The following TMC7 variants were observed in gnomAD, a reference collection of about 807,000 sequenced individuals.
TMC7 encodes transmembrane channel like 7, also known as transmembrane channel-like protein 7.
In TMC7, 54 loss-of-function variants were observed where a neutral mutation model predicts 82.9. That is an observed-to-expected ratio of 0.65 (90% CI 0.52 to 0.82). The LOEUF (loss-of-function observed/expected upper bound fraction) is 0.82. Ranked by LOEUF, TMC7 falls within the 40% of genes least tolerant of loss-of-function variation. The pLI is 0.00. For missense variants in TMC7, 820 were observed against 901.2 expected, an observed-to-expected ratio of 0.91 and a Z score of 1.15; for synonymous variants, 350 against 337.9, an observed-to-expected ratio of 1.04 and a Z score of -0.39.
intron 1 of TMC7, among the ~76,000 whole-genome samples, chr16:18,991,952 T>A (rs546094568): frequency 1.3e-5 from 2 of 152,226 alleles, no homozygotes; most frequent in Non-Finnish European, 2.9e-5. Context: ...CTGCATAGTA[T>A]TCCATGGTGT....
intron 1 of TMC7, among the ~76,000 whole-genome samples, chr16:19,002,487 T>C (rs1206859161): frequency 6.6e-6 from 1 of 152,102 alleles, no homozygotes; most frequent in Non-Finnish European, 1.5e-5. Flanking sequence ...TCCACCCGCC[T>C]TGGCCTCCCA....
intron 1 of TMC7, among the ~76,000 whole-genome samples, chr16:18,989,769 A>C (rs2142113418): frequency 6.6e-6 from 1 of 151,304 alleles, no homozygotes. Context: ...TAGAGAAGGA[A>C]GAGTGGCCTG....
In TMC7 at chr16:19,030,212, G is replaced by A. The variant is rs201491513; in HGVS notation, c.712-12G>A. ...TGACCAGTCTGACTTCATGCTCTTGGCTTCGTTTCAGGGTTTCCTGGAGGA... is the reference window on the plus strand; with the variant it reads ...TGACCAGTCTGACTTCATGCTCTTGACTTCGTTTCAGGGTTTCCTGGAGGA... On this transcript the variant is annotated splice_polypyrimidine_tract_variant and intron_variant, in intron 5 of 15. Transcript: ENST00000304381. The A allele has an allele frequency of 8.6e-5, 138 of 1,607,520 alleles. 1 individual carries two copies. In the African/African-American group the frequency reaches 1.7e-3, roughly 20 times the overall value.
In TMC7 at chr16:19,030,286, G is replaced by C. The variant is rs1300072245; in HGVS notation, c.774G>C (p.Gln258His). Residue 258 changes from glutamine to histidine, a missense_variant, in exon 6 of 16, where the codon CAG (glutamine) becomes CAC (histidine). Physicochemically the swap from Gln to His is conservative, Grantham distance 24. Coordinates refer to ENST00000304381, the MANE Select transcript of TMC7 (RefSeq NM_024847.4). ...GHYTIDGVKF[Q>H]NFTYDLPLAY... ...ACACCATTGATGGGGTGAAATTTCA[G>C]AACTTCACCTATGATCTGCCCCTGG... 1 of 1,613,540 alleles carries C rather than the reference G, an allele frequency of 6.2e-7. No individual in the cohort carries two copies. Among genetic ancestry groups the C allele is most frequent in the Admixed American group, 1.7e-5 (1 of 60,008 alleles).
chr16:18,989,811 G>C (rs1402153760), intron 1 of TMC7, among the ~76,000 whole-genome samples: 15 of 151,920 alleles, frequency 9.9e-5, no homozygotes, highest in Non-Finnish European at 2.1e-4. Flanking sequence ...GCCTCTCGGG[G>C]GGAGGCGACT....
intron 12 of TMC7, among the ~76,000 whole-genome samples, chr16:19,051,116 G>A (rs1420540182): frequency 6.6e-6 from 1 of 151,794 alleles, no homozygotes; most frequent in Non-Finnish European, 1.5e-5. Flanking sequence ...TGACTGTAGC[G>A]TTAAACATCC....
intron 1 of TMC7, among the ~76,000 whole-genome samples, chr16:19,007,268 G>C (rs750526990): frequency 6.6e-6 from 1 of 152,124 alleles, no homozygotes; most frequent in Non-Finnish European, 1.5e-5. Flanking sequence ...ACCCTGGCCC[G>C]AGAACACAGA....
rs1383518181 is a variant in TMC7, at chr16:19,044,928, C to T, written c.1382C>T (p.Thr461Met). 1.2e-6 allele frequency: 2 copies of T among 1,613,888 alleles called. No homozygotes were observed. The highest frequency in any genetic ancestry group is 8.5e-7 in the Non-Finnish European group (1 of 1,180,022). ...GCCACCATATGTGTCCTGGTGTTCA[C>T]GCTGGGCTCCAAGATCACATCCTGT... ...RLATICVLVF[T>M]LGSKITSCDD... is the part of the protein sequence containing the mutation. The change falls in exon 10 of 16, where the codon ACG (threonine) becomes ATG (methionine). Residue 461 changes from threonine to methionine, a missense_variant. Physicochemically the swap from Thr to Met is moderately conservative, Grantham distance 81. Around this residue, in one of 2 missense-constraint regions of TMC7, gnomAD observed 650 missense variants for 669.9 expected, o/e 0.97. Coordinates refer to ENST00000304381, the MANE Select transcript of TMC7 (RefSeq NM_024847.4).
chr16:18,991,155 T>C (rs1296411613), intron 1 of TMC7, among the ~76,000 whole-genome samples: 1 of 146,698 alleles, frequency 6.8e-6, no homozygotes, highest in African/African-American at 2.4e-5. Context: ...CAGCTGAAGA[T>C]TTTGGGGTAA....
intron 1 of TMC7, among the ~76,000 whole-genome samples, chr16:18,997,323 G>A (rs2039060248): frequency 6.6e-6 from 1 of 152,194 alleles, no homozygotes; most frequent in Admixed American, 6.5e-5. Flanking sequence ...TGATCAGCCT[G>A]CCTTGGCCTC....
intron 1 of TMC7, among the ~76,000 whole-genome samples, chr16:19,007,659 G>C (rs2039263977): frequency 6.6e-6 from 1 of 150,478 alleles, no homozygotes; most frequent in Non-Finnish European, 1.5e-5. Context: ...GACAGAGCGA[G>C]ACTCCGTCTC....
intron 3 of TMC7, among the ~76,000 whole-genome samples, chr16:19,021,168 TGAG>T (rs1281444703): frequency 1.3e-5 from 2 of 152,158 alleles, no homozygotes; most frequent in Non-Finnish European, 2.9e-5. Context: ...AAGACAATCT[TGAG>T]GAGTAACAAA....
At chr16:18,994,657 T>C (rs952553593) in intron 1 of TMC7, among the ~76,000 whole-genome samples, 2 of 151,744 alleles carry the variant, frequency 1.3e-5, no homozygotes, top group Non-Finnish European at 2.9e-5. Context: ...GAGGGAGGTA[T>C]TGAGGATAGG....
intron 8 of TMC7, among the ~76,000 whole-genome samples, 172 bp downstream of exon 8, chr16:19,038,219 G>C: frequency 6.6e-6 from 1 of 151,958 alleles, no homozygotes; most frequent in Non-Finnish European, 1.5e-5. Flanking sequence ...TTTTGAGATG[G>C]AGTTTTGCTC....
chr16:19,001,392 C>A (rs377749689), intron 1 of TMC7, among the ~76,000 whole-genome samples: 3 of 152,152 alleles, frequency 2.0e-5, no homozygotes, highest in African/African-American at 7.2e-5. Flanking sequence ...TTAAAAAGGA[C>A]AGAGTAGGCT....
At chr16:18,998,393 C>G (rs2039081195) in intron 1 of TMC7, among the ~76,000 whole-genome samples, 2 of 152,180 alleles carry the variant, frequency 1.3e-5, no homozygotes, top group Non-Finnish European at 2.9e-5. Context: ...GCCTTGCCAC[C>G]TTCTCGGACA....
intron 15 of TMC7, 113 bp downstream of exon 15, chr16:19,059,607 C>A: frequency 6.3e-7 from 1 of 1,596,224 alleles, no homozygotes; most frequent in Non-Finnish European, 8.5e-7. Context: ...TCTCTCACCA[C>A]CACCTCCCCA....
At chr16:19,037,594 C>T (rs768372641) in intron 7 of TMC7, among the ~76,000 whole-genome samples, 7 of 151,660 alleles carry the variant, frequency 4.6e-5, no homozygotes, top group South Asian at 2.1e-4. Context: ...ATCAGCCTCC[C>T]GAGTAGCAGC....
At chr16:19,044,761 T>TC in intron 9 of TMC7, 123 bp from the exon 10 acceptor site, 1 of 485,594 alleles carries the variant, frequency 2.1e-6, no homozygotes, top group Non-Finnish European at 3.5e-6. Context: ...GAGCAAACAC[T>TC]CCATCTCAAA....
Sources: gnomAD v4.1 joint callset for allele counts (sites outside exome capture counted in the v4.1 genomes callset) on GRCh38, gnomAD v4.1.1 for gene constraint, gnomAD v4.1.1 regional missense constraint, MANE v1.5 for transcripts, NCBI Gene and HGNC (gene_info 2026-07-23, HGNC 2026-07-21) for gene names.